Variants in RNF150 observed in about 807,000 individuals in gnomAD.
RNF150 encodes ring finger protein 150.
A neutral mutation model predicts 39.3 loss-of-function variants in RNF150; 24 were observed. The ratio of observed to expected loss-of-function variants is 0.61; its 90% CI spans 0.44 to 0.86. The LOEUF (loss-of-function observed/expected upper bound fraction) is 0.86. RNF150 is among the 40% of genes least tolerant of loss of function. The pLI, the probability that RNF150 is intolerant of heterozygous loss-of-function variation, is 0.00. For synonymous variants in RNF150, 255 were observed against 227.3 expected, an observed-to-expected ratio of 1.12 and a Z score of -1.10; for missense variants, 502 against 587.8, an observed-to-expected ratio of 0.85 and a Z score of 1.51.
At chr4:141,003,935 C>A (rs1188505958) in intron 1 of RNF150, among the ~76,000 whole-genome samples, 1 of 152,064 alleles carries the variant, frequency 6.6e-6, no homozygotes, top group Non-Finnish European at 1.5e-5. Flanking sequence ...GAAGCCCACC[C>A]GCATCAGGAG....
intron 1 of RNF150, among the ~76,000 whole-genome samples, chr4:141,129,785 T>C (rs749743733): frequency 2.0e-5 from 3 of 152,084 alleles, no homozygotes; most frequent in Non-Finnish European, 2.9e-5. Context: ...AAAACGTATA[T>C]GAAAAGGACA....
At chr4:141,165,186 C>A (rs992231021) in intron 1 of RNF150, among the ~76,000 whole-genome samples, 4 of 151,940 alleles carry the variant, frequency 2.6e-5, no homozygotes, top group East Asian at 1.9e-4. Context: ...CAACAAAGAT[C>A]AAAAAAGACA....
chr4:141,002,354 C>T (rs1279202204), intron 1 of RNF150, among the ~76,000 whole-genome samples: 3 of 152,134 alleles, frequency 2.0e-5, no homozygotes, highest in African/African-American at 7.2e-5. Context: ...TATCAACAGC[C>T]TCTCATTCTA....
intron 1 of RNF150, among the ~76,000 whole-genome samples, chr4:141,156,045 G>C (rs1421939504): frequency 6.9e-6 from 1 of 145,004 alleles, no homozygotes; most frequent in African/African-American, 2.7e-5. Context: ...ATGGCTGGAA[G>C]GAGGAGGAAA....
chr4:140,938,225 T>A (rs1346056), intron 4 of RNF150, among the ~76,000 whole-genome samples: 3 of 152,032 alleles, frequency 2.0e-5, no homozygotes, highest in East Asian at 3.9e-4. Flanking sequence ...GTGTCTTTTT[T>A]CAGTGATTTC....
chr4:141,051,109 C>A (rs1347775737), intron 1 of RNF150, among the ~76,000 whole-genome samples: 1 of 152,188 alleles, frequency 6.6e-6, no homozygotes, highest in Non-Finnish European at 1.5e-5. Context: ...ATGGCTTGTA[C>A]CCTCTGAAGC....
At chr4:140,995,865 T>C (rs185689781) in intron 1 of RNF150, among the ~76,000 whole-genome samples, 8 of 152,326 alleles carry the variant, frequency 5.3e-5, no homozygotes, top group African/African-American at 1.9e-4. Flanking sequence ...ATTTTCTTTG[T>C]CCATTTGTTT....
chr4:140,946,632 G>A (rs1380487031), intron 4 of RNF150, among the ~76,000 whole-genome samples: 1 of 152,058 alleles, frequency 6.6e-6, no homozygotes, highest in Admixed American at 6.6e-5. Context: ...GATTACAGGC[G>A]AGTGCCACCA....
chr4:141,087,510 T>C (rs1369663981), intron 1 of RNF150, among the ~76,000 whole-genome samples: 1 of 90,080 alleles, frequency 1.1e-5, no homozygotes, highest in Non-Finnish European at 2.4e-5. Context: ...TCTCTTTCTA[T>C]CTACCTTTTC....
intron 1 of RNF150, among the ~76,000 whole-genome samples, chr4:141,209,670 T>C (rs1312183139): frequency 6.6e-6 from 1 of 152,122 alleles, no homozygotes; most frequent in Non-Finnish European, 1.5e-5. Context: ...TATTAAGAGT[T>C]CATAATTTCA....
intron 1 of RNF150, among the ~76,000 whole-genome samples, chr4:141,205,781 G>A (rs1728364565): frequency 6.6e-6 from 1 of 152,096 alleles, no homozygotes; most frequent in African/African-American, 2.4e-5. Flanking sequence ...TCTCAGAGGA[G>A]GATTTGGCTA....
intron 6 of RNF150, among the ~76,000 whole-genome samples, chr4:140,892,921 A>C (rs1374249390): frequency 6.6e-6 from 1 of 152,114 alleles, no homozygotes; most frequent in African/African-American, 2.4e-5. Flanking sequence ...CTAAAAGATT[A>C]GCTGAGTGTG....
Position 141,109,628 on chromosome 4 carries a change from C to T in RNF150, c.484+22697G>A, listed in dbSNP as rs544690107. On this transcript the variant is annotated intron_variant, in intron 1 of 6. Transcript: ENST00000515673. Reference sequence around the variant, plus strand: ...TGGGCCTTGAAGGGAAGACAGTATACGGCAGATCCTAAGGCAATCCTAAGA... The same window carrying T: ...TGGGCCTTGAAGGGAAGACAGTATATGGCAGATCCTAAGGCAATCCTAAGA... Among the ~76,000 whole-genome samples the T allele has an allele frequency of 1.1e-4, 17 of 152,012 alleles. No homozygotes were observed. The South Asian group carries it at 2.5e-3, about 22-fold the overall frequency.
Position 140,864,801 on chromosome 4 carries a change from T to C in RNF150, c.*3460A>G, listed in dbSNP as rs1034341965. The C allele has an allele frequency of 2.0e-5, 3 of 152,186 alleles. No homozygotes were observed. Among genetic ancestry groups the C allele is most frequent in the Non-Finnish European group, 2.9e-5 (2 of 68,042 alleles). The allele number at this position is 152,186 out of a possible 1,614,324, so 9.4% of individuals were successfully genotyped here. On this transcript the variant is annotated 3_prime_UTR_variant, in exon 7 of 7. Transcript: ENST00000515673. Reference sequence around the variant, plus strand: ...ATTTTGTTTCAGCACCAAATCAGCATGGTTTGTGTGAGTTTTAAGTAACAA... The same window carrying C: ...ATTTTGTTTCAGCACCAAATCAGCACGGTTTGTGTGAGTTTTAAGTAACAA...
At chr4:140,989,224 T>C (rs979401618) in intron 1 of RNF150, among the ~76,000 whole-genome samples, 5 of 151,864 alleles carry the variant, frequency 3.3e-5, no homozygotes, top group South Asian at 2.1e-4. Flanking sequence ...TGTTGGAAAA[T>C]AGGATTAAGA....
At chr4:141,162,942 C>T (rs185716112) in intron 1 of RNF150, among the ~76,000 whole-genome samples, 3 of 152,264 alleles carry the variant, frequency 2.0e-5, no homozygotes, top group East Asian at 3.9e-4. Context: ...ATCTGGAATG[C>T]CAGCAGACAG....
chr4:141,183,061 C>T (rs1560771398), intron 1 of RNF150, among the ~76,000 whole-genome samples: 1 of 152,092 alleles, frequency 6.6e-6, no homozygotes, highest in African/African-American at 2.4e-5. Flanking sequence ...AGAAAAGAGA[C>T]TCATTAAAGG....
chr4:141,068,355 T>C (rs1169301160), intron 1 of RNF150, among the ~76,000 whole-genome samples: 1 of 152,228 alleles, frequency 6.6e-6, no homozygotes, highest in Non-Finnish European at 1.5e-5. Flanking sequence ...AGGTTATTAC[T>C]GGTAAATTTT....
chr4:141,075,169 T>A (rs1737848252), intron 1 of RNF150, among the ~76,000 whole-genome samples: 1 of 152,254 alleles, frequency 6.6e-6, no homozygotes, highest in Non-Finnish European at 1.5e-5. Context: ...AGTGTTTTTT[T>A]AAGAATCAGA....
Sources: allele counts gnomAD v4.1 joint callset (sites outside exome capture counted in the v4.1 genomes callset), GRCh38; gene constraint gnomAD v4.1.1; transcripts MANE v1.5; gene names NCBI Gene and HGNC (gene_info 2026-07-23, HGNC 2026-07-21).